Variants in PIK3CG observed in about 807,000 individuals in gnomAD.
The protein encoded by PIK3CG is phosphatidylinositol-4,5-bisphosphate 3-kinase catalytic subunit gamma.
PIK3CG carries 55 observed loss-of-function variants against 102.3 expected under a neutral mutation model. The observed-to-expected ratio is 0.54, with a 90% CI of 0.43 to 0.67. The LOEUF is 0.67. Among genes scored for constraint, PIK3CG ranks in the 30% least tolerant of loss-of-function variants. The pLI is 0.00. For synonymous variants in PIK3CG, 552 were observed against 540.0 expected (o/e 1.02, Z -0.31); for missense variants, 1,258 against 1,391.8 (o/e 0.90, Z 1.53).
intron 7 of PIK3CG, 69 bp downstream of exon 7, chr7:106,882,276 T>C (rs1450358971): frequency 1.0e-5 from 7 of 695,544 alleles, no homozygotes; most frequent in East Asian, 2.9e-5. Context: ...TCCTTCAGTG[T>C]AGACATTTAA....
At chr7:106,871,970 T>G (rs1790547389) in intron 2 of PIK3CG, among the ~76,000 whole-genome samples, 1 of 152,216 alleles carries the variant, frequency 6.6e-6, no homozygotes, top group Admixed American at 6.5e-5. Flanking sequence ...GATTGCTCTG[T>G]GTGGATTGAT....
chr7:106,870,905 A>G (rs1191204479), intron 2 of PIK3CG, among the ~76,000 whole-genome samples: 6 of 152,242 alleles, frequency 3.9e-5, no homozygotes, highest in Admixed American at 6.5e-5. Flanking sequence ...TTTTAGAATA[A>G]TTAAAGAATC....
Position 106,874,819 on chromosome 7 carries a change from A to T in PIK3CG, c.2391+16A>T, listed in dbSNP as rs762841959. 2 of 1,509,122 alleles carry T rather than the reference A, an allele frequency of 1.3e-6. No homozygotes were observed. Among genetic ancestry groups the T allele is most frequent in the Non-Finnish European group, 1.8e-6 (2 of 1,085,112 alleles). 93.5% of individuals were successfully genotyped at this position (1,509,122 alleles called of 1,614,324 possible). ...AGCGCTGGCAGTAGGTATCACTTGG[A>T]TGTCTCCATGTGGTCTTTATGTCTT... On this transcript the variant is annotated intron_variant, in intron 5 of 10. Transcript: ENST00000496166. The surrounding 1 kb of genome is among the most constrained non-coding windows in gnomAD (Gnocchi z 4.3).
Position 106,868,990 on chromosome 7 carries a change from C to G in PIK3CG, c.1429C>G (p.Arg477Gly), listed in dbSNP as rs138344795. ...GATAGACCACCGTTTCCTCCTGCGC[C>G]GTGGAGAATACGTCCTCCACATGTG... is the stretch of plus-strand genomic sequence containing the variant. Reference protein sequence around the residue: ...LLIDHRFLLRRGEYVLHMWQI... With the variant: ...LLIDHRFLLRGGEYVLHMWQI... The change falls in exon 2 of 11, where the codon CGT becomes GGT. Residue 477 changes from arginine (R) to glycine (G), a missense_variant. Coordinates refer to ENST00000496166, the MANE Select transcript of PIK3CG (RefSeq NM_001282426.2). The surrounding 1 kb of genome is among the most constrained non-coding windows in gnomAD (Gnocchi z 6.2). 1 of 1,614,152 alleles carries G rather than the reference C, an allele frequency of 6.2e-7. No individual in the cohort carries two copies. The highest frequency in any genetic ancestry group is 1.1e-5 in the South Asian group (1 of 91,078).
Position 106,908,462 on chromosome 7 carries a change from C to T in PIK3CG, c.*3075C>T, listed in dbSNP as rs1038712850. Among the ~76,000 whole-genome samples the T allele has an allele frequency of 2.0e-5, 3 of 152,148 alleles. No homozygotes were observed. The highest frequency in any genetic ancestry group is 4.4e-5 in the Non-Finnish European group (3 of 68,020). On this transcript the variant is annotated 3_prime_UTR_variant, in exon 11 of 11. Transcript: ENST00000496166. This position sits in a 1 kb window ranked among gnomAD's most constrained non-coding sequence, Gnocchi z 4.1. ...TAGGACCTAGAACAGTGGCCCATTG[C>T]TCTTAGACTGGAACCATGTCCACTA...
rs777299791 is a variant in PIK3CG, at chr7:106,884,229, C to T, written c.2835C>T (p.Gly945=). 12 of 1,613,246 alleles carry T rather than the reference C, an allele frequency of 7.4e-6. No homozygotes were observed. The highest frequency in any genetic ancestry group is 4.5e-5 in the East Asian group (2 of 44,866). The change falls in exon 9 of 11, where the codon GGC becomes GGT. Residue 945 remains glycine, a synonymous_variant. Coordinates refer to ENST00000496166, the MANE Select transcript of PIK3CG (RefSeq NM_001282426.2). This position sits in a 1 kb window ranked among gnomAD's most constrained non-coding sequence, Gnocchi z 4.2. ...TGGCAACCTTTGTTCTTGGAATAGG[C>T]GACAGACACAATGACAATATTATGA... ...YCVATFVLGI[G]DRHNDNIMIT... is the part of the protein sequence containing the mutation.
At position 106,884,846 on chromosome 7, in the gene PIK3CG, A is replaced by AC. The variant is rs1791039581; in HGVS notation, c.2872+580_2872+581insC. Among the ~76,000 whole-genome samples the AC allele has an allele frequency of 6.6e-6, 1 of 152,072 alleles. No homozygotes were observed. Among genetic ancestry groups the AC allele is most frequent in the Non-Finnish European group, 1.5e-5 (1 of 68,010 alleles). ...GCAGTGAAACCTCTCTGCTAATGTT[A>AC]ATCTGTATTTACAGCCACTGCCCAG... On this transcript the variant is annotated intron_variant, in intron 9 of 10. Coordinates refer to ENST00000496166, the MANE Select transcript of PIK3CG (RefSeq NM_001282426.2). The surrounding 1 kb of genome is among the most constrained non-coding windows in gnomAD (Gnocchi z 4.2).
At chr7:106,882,242 C>G (rs768447059) in intron 7 of PIK3CG, 35 bp downstream of exon 7, 4 of 1,004,814 alleles carry the variant, frequency 4.0e-6, no homozygotes, top group Non-Finnish European at 5.9e-6. Flanking sequence ...ATAGACCTCT[C>G]AGCTCGTTTG....
At position 106,868,411 on chromosome 7, in the gene PIK3CG, G is replaced by A. The variant is rs376958957; in HGVS notation, c.850G>A (p.Glu284Lys). The A allele has an allele frequency of 1.1e-5, 18 of 1,614,108 alleles. No individual in the cohort carries two copies. Among genetic ancestry groups the A allele is most frequent in the East Asian group, 6.7e-5 (3 of 44,890 alleles). The change falls in exon 2 of 11, where the codon GAA becomes AAA. Residue 284 changes from glutamate (E) to lysine (K), a missense_variant. This residue lies in a region of PIK3CG where 832 missense variants were observed against 787.5 expected (regional missense o/e 1.06). Coordinates refer to ENST00000496166, the MANE Select transcript of PIK3CG (RefSeq NM_001282426.2). This position sits in a 1 kb window ranked among gnomAD's most constrained non-coding sequence, Gnocchi z 6.2. ...TGGCCGGGATGAGTACCTGGTGGGCGAAACGCCCATCAAAAACTTCCAGTG... is the reference window on the plus strand; with the variant it reads ...TGGCCGGGATGAGTACCTGGTGGGCAAAACGCCCATCAAAAACTTCCAGTG... ...VCGRDEYLVG[E>K]TPIKNFQWVR... is the part of the protein sequence containing the mutation.
chr7:106,867,547 C>T lies in PIK3CG; in HGVS notation c.-12-3C>T, dbSNP rs373953322. 78 of 1,532,132 alleles carry T rather than the reference C, an allele frequency of 5.1e-5. No homozygotes were observed. Among genetic ancestry groups the T allele is most frequent in the Non-Finnish European group, 6.2e-5 (71 of 1,141,698 alleles). 94.9% of individuals were successfully genotyped at this position (1,532,132 alleles called of 1,614,324 possible). A position where few individuals can be genotyped will look rare whatever the true frequency, so the allele number is the denominator to read the frequency against. ...ACAAATCCCTGTGTCCCTCCGCTCC[C>T]AGGTCGCATAGGGCATGGAGCTGGA... On this transcript the variant is annotated splice_region_variant and splice_polypyrimidine_tract_variant and intron_variant, in intron 1 of 10. Coordinates refer to ENST00000496166, the MANE Select transcript of PIK3CG (RefSeq NM_001282426.2). The surrounding 1 kb of genome is among the most constrained non-coding windows in gnomAD (Gnocchi z 5.1).
rs774366285 is a variant in PIK3CG, at chr7:106,869,092, G to A, written c.1531G>A (p.Glu511Lys). The change falls in exon 2 of 11, where the codon GAG (glutamate) becomes AAG (lysine). Residue 511 changes from glutamate to lysine, a missense_variant. Around this residue, in one of 2 missense-constraint regions of PIK3CG, gnomAD observed 832 missense variants for 787.5 expected, o/e 1.06. Coordinates refer to ENST00000496166, the MANE Select transcript of PIK3CG (RefSeq NM_001282426.2). The surrounding 1 kb of genome is among the most constrained non-coding windows in gnomAD (Gnocchi z 5.3). ...CACGTCTGCAACTAACCCAGACAAG[G>A]AGAACTCAATGTCCATCTCCATTCT... ...KLTSATNPDK[E>K]NSMSISILLD... The A allele has an allele frequency of 1.2e-6, 2 of 1,614,180 alleles. No homozygotes were observed. The highest frequency in any genetic ancestry group is 2.2e-5 in the East Asian group (1 of 44,882).
In PIK3CG at chr7:106,897,591, C is replaced by G. The variant is rs1482518296; in HGVS notation, c.3031-7518C>G. 1.3e-5 allele frequency among the ~76,000 whole-genome samples: 2 copies of G among 152,152 alleles called. No homozygotes were observed. The highest frequency in any genetic ancestry group is 2.9e-5 in the Non-Finnish European group (2 of 68,028). On this transcript the variant is annotated intron_variant, in intron 10 of 10. Transcript: ENST00000496166. This position sits in a 1 kb window ranked among gnomAD's most constrained non-coding sequence, Gnocchi z 4.6. ...GTTTCCTTCCTTGTGTTCATAAGTT[C>G]TTATCATTTAGCTCCCACTTATAAG...
rs1790341417 is a variant in PIK3CG, at chr7:106,867,647, C to T, written c.86C>T (p.Ala29Val). The part of the protein sequence containing the change: ...RRRRMKPRSA[A>V]ASLSSMELIP... Reference sequence around the variant, plus strand: ...CGGAGGATGAAGCCGCGCAGTGCTGCGGCCAGCCTGTCCTCCATGGAGCTC... The same window carrying T: ...CGGAGGATGAAGCCGCGCAGTGCTGTGGCCAGCCTGTCCTCCATGGAGCTC... The change falls in exon 2 of 11, where the codon GCG becomes GTG. Residue 29 changes from alanine (A) to valine (V), a missense_variant. Coordinates refer to ENST00000496166, the MANE Select transcript of PIK3CG (RefSeq NM_001282426.2). This position sits in a 1 kb window ranked among gnomAD's most constrained non-coding sequence, Gnocchi z 5.1. 6.2e-7 allele frequency: 1 copy of T among 1,613,240 alleles called. No individual in the cohort carries two copies. The highest frequency in any genetic ancestry group is 1.7e-5 in the Admixed American group (1 of 60,024).
rs1483202298 is a variant in PIK3CG at position 106,905,997 on chromosome 7, T to TG, written c.*611dup. ...ACAGCAGGAGAAATCTAAACCGTTGTGCCTTGACCTTCCTCTGCTGGTCTT... is the reference window on the plus strand; with the variant it reads ...ACAGCAGGAGAAATCTAAACCGTTGTGGCCTTGACCTTCCTCTGCTGGTCTT... On this transcript the variant is annotated 3_prime_UTR_variant, in exon 11 of 11. Transcript: ENST00000496166. This position sits in a 1 kb window ranked among gnomAD's most constrained non-coding sequence, Gnocchi z 5.6. 3.5e-5 allele frequency: 8 copies of TG among 227,674 alleles called. No homozygotes were observed. Among genetic ancestry groups the TG allele is most frequent in the Non-Finnish European group, 6.1e-5 (7 of 114,898 alleles). 14.1% of individuals were successfully genotyped at this position (227,674 alleles called of 1,614,324 possible).
rs1186614730 is a variant in PIK3CG at position 106,899,858 on chromosome 7, ATGC to A, written c.3031-5246_3031-5244del. On this transcript the variant is annotated intron_variant, in intron 10 of 10. Coordinates refer to ENST00000496166, the MANE Select transcript of PIK3CG (RefSeq NM_001282426.2). The surrounding 1 kb of genome is among the most constrained non-coding windows in gnomAD (Gnocchi z 4.6). ...TCTGCCAGGTTTTGGTATCAAGATG[ATGC>A]TGCTCTCATAGAACGAGTTGGGGAG... 2.0e-5 allele frequency among the ~76,000 whole-genome samples: 3 copies of A among 152,206 alleles called. No homozygotes were observed. The highest frequency in any genetic ancestry group is 4.4e-5 in the Non-Finnish European group (3 of 68,032).
chr7:106,870,350 G>A (rs896350037), intron 2 of PIK3CG, among the ~76,000 whole-genome samples: 8 of 152,126 alleles, frequency 5.3e-5, no homozygotes, highest in Non-Finnish European at 1.2e-4. Context: ...AAGAAAGAAG[G>A]GGGAACAGTT....
chr7:106,900,324 G>A lies in PIK3CG; in HGVS notation c.3031-4785G>A, dbSNP rs10270880. 6.6e-3 allele frequency among the ~76,000 whole-genome samples: 1,006 copies of A among 152,010 alleles called. 8 individuals are homozygous for A. Among genetic ancestry groups the A allele is most frequent in the African/African-American group, 0.023 (953 of 41,442 alleles). ...TTACCATTATGTAATGCCATTCTTT[G>A]TCTTTTTTGATCTTTGTTAGTTTGA... On this transcript the variant is annotated intron_variant, in intron 10 of 10. Transcript: ENST00000496166.
At chr7:106,904,280 A>G (rs897872655) in intron 10 of PIK3CG, among the ~76,000 whole-genome samples, 2 of 152,182 alleles carry the variant, frequency 1.3e-5, no homozygotes, top group African/African-American at 4.8e-5. Context: ...ATCTTTTAAC[A>G]TTATGCTCAA....
Position 106,890,843 on chromosome 7 carries a change from G to A in PIK3CG, c.3030+4551G>A, listed in dbSNP as rs1024234680. On this transcript the variant is annotated intron_variant, in intron 10 of 10. Coordinates refer to ENST00000496166, the MANE Select transcript of PIK3CG (RefSeq NM_001282426.2). The surrounding 1 kb of genome is among the most constrained non-coding windows in gnomAD (Gnocchi z 4.2). ...TCCCCTCATCTGCTCCCTCATCACT[G>A]TGGCCTTCCTCCACATCTTCCCCCA... is the stretch of plus-strand genomic sequence containing the variant. 2.6e-5 allele frequency among the ~76,000 whole-genome samples: 4 copies of A among 152,158 alleles called. No homozygotes were observed. Among genetic ancestry groups the A allele is most frequent in the Non-Finnish European group, 5.9e-5 (4 of 68,042 alleles).
Sources: allele counts gnomAD v4.1 joint callset (sites outside exome capture counted in the v4.1 genomes callset), GRCh38; gene constraint gnomAD v4.1.1; regional missense constraint gnomAD v4.1.1; non-coding constraint Gnocchi (gnomAD v3.1); transcripts MANE v1.5; gene names NCBI Gene and HGNC (gene_info 2026-07-23, HGNC 2026-07-21).